GGACT: variants seen among roughly 807,000 people sequenced by gnomAD.
GGACT encodes the protein gamma-glutamylamine cyclotransferase.
For missense variants in GGACT, 241 were observed against 233.2 expected (o/e 1.03, Z -0.22); for synonymous variants, 118 against 115.3 (o/e 1.02, Z -0.15).
At chr13:100,549,944 A>G (rs1465185440) in intron 2 of GGACT, among the ~76,000 whole-genome samples, 1 of 152,220 alleles carries the variant, frequency 6.6e-6, no homozygotes, top group Admixed American at 6.5e-5. Flanking sequence ...TTTTGTATAA[A>G]TTATCTTGTT....
In GGACT at chr13:100,570,243, A is replaced by G. The variant is rs1214819393; in HGVS notation, c.-11+13582T>C. Among the ~76,000 whole-genome samples the G allele has an allele frequency of 2.6e-5, 4 of 152,128 alleles. No individual in the cohort carries two copies. In the East Asian group the frequency reaches 5.8e-4, roughly 22 times the overall value. On this transcript the variant is annotated intron_variant, in intron 2 of 2. Transcript: ENST00000683975. Reference sequence around the variant, plus strand: ...AAATTTACTGTATTAGTCCATTCTCATACTGCTAATAAAGACATACCTGAG... The same window carrying G: ...AAATTTACTGTATTAGTCCATTCTCGTACTGCTAATAAAGACATACCTGAG...
intron 2 of GGACT, among the ~76,000 whole-genome samples, chr13:100,552,881 G>C (rs560585309): frequency 7.9e-5 from 12 of 152,160 alleles, no homozygotes; most frequent in Non-Finnish European, 1.6e-4. Context: ...GGGACAATGA[G>C]TCCCGCATCA....
At chr13:100,585,822 CAAAAAAAAAAAAAAAA>C (rs550006144) in intron 1 of GGACT, among the ~76,000 whole-genome samples, 1,032 of 29,714 alleles carry the variant, frequency 0.035, 27 homozygotes, top group Middle Eastern at 0.17. Context: ...CTGTCTCCAC[CAAAAAAAAAAAAAAAA>C]AAAAAAAAAA....
In GGACT at chr13:100,532,630, G is replaced by A. The variant is rs964301562; in HGVS notation, c.-10-29C>T. ...CAGGGAGAGGGGAAGTCACAGGTCA[G>A]CCCGCAGTGGGAGCTCTGTGTCTGC... On this transcript the variant is annotated intron_variant, in intron 2 of 2. Coordinates refer to ENST00000683975, the MANE Select transcript of GGACT (RefSeq NM_001195087.2). 50 of 1,484,612 alleles carry A rather than the reference G, an allele frequency of 3.4e-5. No individual in the cohort carries two copies. The African/African-American group carries it at 6.1e-4, about 18-fold the overall frequency. 92.0% of individuals were successfully genotyped at this position (1,484,612 alleles called of 1,614,324 possible).
rs1356862271 is a variant in GGACT at position 100,534,045 on chromosome 13, TGTGGACAA to T, written c.-10-1452_-10-1445del. Among the ~76,000 whole-genome samples the T allele has an allele frequency of 6.6e-6, 1 of 152,224 alleles. No individual in the cohort carries two copies. The highest frequency in any genetic ancestry group is 1.5e-5 in the Non-Finnish European group (1 of 68,048). ...CGGACACCACACTTGCCACCAATCA[TGTGGACAA>T]GTGGACCCTGAAGAAACTGAAGAAG... On this transcript the variant is annotated intron_variant, in intron 2 of 2. Transcript: ENST00000683975. This position sits in a 1 kb window ranked among gnomAD's most constrained non-coding sequence, Gnocchi z 4.9.
At chr13:100,570,165 T>G (rs1594195809) in intron 2 of GGACT, among the ~76,000 whole-genome samples, 1 of 152,212 alleles carries the variant, frequency 6.6e-6, no homozygotes, top group Non-Finnish European at 1.5e-5. Flanking sequence ...AGTTCCAAAG[T>G]GGTTTCCACA....
Position 100,587,385 on chromosome 13 carries a change from C to T in GGACT, c.-184+1356G>A, listed in dbSNP as rs115043625. On this transcript the variant is annotated intron_variant, in intron 1 of 2. Transcript: ENST00000683975. ...AAAATCAACTAGCCCAAAGTATTTCCGTACAAAAATCCACCAATTAGAAAT... is the reference window on the plus strand; with the variant it reads ...AAAATCAACTAGCCCAAAGTATTTCTGTACAAAAATCCACCAATTAGAAAT... 3.0e-3 allele frequency among the ~76,000 whole-genome samples: 450 copies of T among 152,298 alleles called. 2 individuals are homozygous for T. The highest frequency in any genetic ancestry group is 0.01 in the African/African-American group (433 of 41,542).
At chr13:100,558,836 G>T (rs1203831491) in intron 2 of GGACT, among the ~76,000 whole-genome samples, 3 of 152,172 alleles carry the variant, frequency 2.0e-5, no homozygotes, top group Non-Finnish European at 4.4e-5. Flanking sequence ...TAGCTAGGGG[G>T]AGAGGGGATG....
chr13:100,556,487 A>G (rs1097595), intron 2 of GGACT, among the ~76,000 whole-genome samples: 88,507 of 152,044 alleles, frequency 0.58, 26,192 homozygotes, highest in East Asian at 0.8. Context: ...ATCTAAATAA[A>G]TGGAGAGATA....
Position 100,530,626 on chromosome 13 carries a change from G to T in GGACT, c.*1504C>A. Reference sequence around the variant, plus strand: ...TTGCCTTACTACTTCTAGAAGTGAGGCCCTCACTCCTGGTGCTGATTTTCA... The same window carrying T: ...TTGCCTTACTACTTCTAGAAGTGAGTCCCTCACTCCTGGTGCTGATTTTCA... On this transcript the variant is annotated 3_prime_UTR_variant, in exon 3 of 3. Coordinates refer to ENST00000683975, the MANE Select transcript of GGACT (RefSeq NM_001195087.2). The T allele has an allele frequency of 3.8e-6, 1 of 261,282 alleles. No individual in the cohort carries two copies. Among genetic ancestry groups the T allele is most frequent in the South Asian group, 4.2e-5 (1 of 23,924 alleles). 16.2% of individuals were successfully genotyped at this position (261,282 alleles called of 1,614,324 possible).
chr13:100,577,437 AT>A (rs1875283184), intron 2 of GGACT, among the ~76,000 whole-genome samples: 4 of 150,904 alleles, frequency 2.7e-5, no homozygotes, highest in African/African-American at 9.7e-5. Context: ...AAATAAATAA[AT>A]AAATAAATAA....
chr13:100,557,903 G>C (rs1594191016), intron 2 of GGACT, among the ~76,000 whole-genome samples: 1 of 152,084 alleles, frequency 6.6e-6, no homozygotes, highest in South Asian at 2.1e-4. Context: ...CAAAACAAAG[G>C]CTGGGCACGG....
intron 2 of GGACT, chr13:100,538,112 A>T (rs2088515066): frequency 6.6e-6 from 1 of 152,174 alleles, no homozygotes; most frequent in Non-Finnish European, 1.5e-5. Flanking sequence ...TCTGTAAAGT[A>T]GGTGGTATTA....
chr13:100,562,724 A>G (rs2088774163), intron 2 of GGACT, among the ~76,000 whole-genome samples: 1 of 151,486 alleles, frequency 6.6e-6, no homozygotes, highest in Admixed American at 6.6e-5. Flanking sequence ...TGAACCCAGG[A>G]GGCGGAGGTT....
intron 2 of GGACT, chr13:100,539,973 G>A (rs1397497821): frequency 2.6e-6 from 4 of 1,543,498 alleles, no homozygotes; most frequent in Admixed American, 3.3e-5. Flanking sequence ...TTCGGTCCTT[G>A]CGGGCTTCAC....
At chr13:100,562,395 C>T (rs755963488) in intron 2 of GGACT, among the ~76,000 whole-genome samples, 17 of 152,316 alleles carry the variant, frequency 1.1e-4, no homozygotes, top group Non-Finnish European at 2.2e-4. Flanking sequence ...TGGCACCTCA[C>T]GCAGTACCTG....
intron 2 of GGACT, among the ~76,000 whole-genome samples, chr13:100,549,758 AGAAAG>A (rs1442870499): frequency 6.6e-6 from 1 of 152,238 alleles, no homozygotes. Context: ...GGCAGATAAA[AGAAAG>A]GAAAGCAACT....
Position 100,532,229 on chromosome 13 carries a change from C to T in GGACT, c.363G>A (p.Arg121=), listed in dbSNP as rs942672053. The change falls in exon 3 of 3, where the codon AGG becomes AGA. Residue 121 remains arginine, a synonymous_variant. Transcript: ENST00000683975. ...GGGCCCACTCCGGCGGGAAGGTGGC[C>T]CTGCTGTACACGAAGCACTGCACCG... The part of the protein sequence containing the change: ...PTAVQCFVYS[R]ATFPPEWAQL... 1.3e-6 allele frequency: 2 copies of T among 1,491,752 alleles called. No homozygotes were observed. Among genetic ancestry groups the T allele is most frequent in the Non-Finnish European group, 1.8e-6 (2 of 1,113,782 alleles). The allele number at this position is 1,491,752 out of a possible 1,614,324, so 92.4% of individuals were successfully genotyped here.
chr13:100,532,387 C>T lies in GGACT; in HGVS notation c.205G>A (p.Ala69Thr). ...SGRLVEGEVYAVDERMLRFLD... is the reference protein window; with the variant it reads ...SGRLVEGEVYTVDERMLRFLD... Reference sequence around the variant, plus strand: ...AAGCGCAGCATCCGCTCGTCTACCGCGTAGACCTCGCCCTCCACGAGGCGC... The same window carrying T: ...AAGCGCAGCATCCGCTCGTCTACCGTGTAGACCTCGCCCTCCACGAGGCGC... The change falls in exon 3 of 3, where the codon GCG becomes ACG. Residue 69 changes from alanine (A) to threonine (T), a missense_variant. Physicochemically the swap from Ala to Thr is moderately conservative, Grantham distance 58. Transcript: ENST00000683975. 3.2e-6 allele frequency: 5 copies of T among 1,550,410 alleles called. No homozygotes were observed. Among genetic ancestry groups the T allele is most frequent in the Non-Finnish European group, 4.4e-6 (5 of 1,146,638 alleles).
Sources: allele counts gnomAD v4.1 joint callset (sites outside exome capture counted in the v4.1 genomes callset), GRCh38; gene constraint gnomAD v4.1.1; non-coding constraint Gnocchi (gnomAD v3.1); transcripts MANE v1.5; gene names NCBI Gene and HGNC (gene_info 2026-07-23, HGNC 2026-07-21).